The following BICC1 variants were observed in gnomAD, a reference collection of about 807,000 sequenced individuals.
BICC1 encodes protein bicaudal C homolog 1.
BICC1 carries 43 observed loss-of-function variants against 111.0 expected under a neutral mutation model. The observed-to-expected ratio is 0.39, with a 90% confidence interval of 0.30 to 0.50. The LOEUF is 0.50. Among genes scored for constraint, BICC1 ranks in the 20% least tolerant of loss-of-function variants. BICC1 has a pLI of 0.88. For synonymous variants in BICC1, 467 were observed against 434.4 expected, an observed-to-expected ratio of 1.07 and a Z score of -0.93; for missense variants, 1,091 against 1,203.2, an observed-to-expected ratio of 0.91 and a Z score of 1.38.
chr10:58,582,827 A>G (rs1844319662), intron 1 of BICC1, among the ~76,000 whole-genome samples: 1 of 152,132 alleles, frequency 6.6e-6, no homozygotes, highest in African/African-American at 2.4e-5. Context: ...TTTCTCTTCC[A>G]TCTTTTTAAG....
intron 3 of BICC1, among the ~76,000 whole-genome samples, chr10:58,713,491 A>G (rs937845309): frequency 1.3e-5 from 2 of 152,206 alleles, no homozygotes; most frequent in Non-Finnish European, 2.9e-5. Context: ...TCTCCCCATT[A>G]TATATATTAA....
intron 1 of BICC1, among the ~76,000 whole-genome samples, chr10:58,523,682 T>A (rs1021863692): frequency 3.3e-5 from 5 of 152,232 alleles, no homozygotes; most frequent in African/African-American, 1.2e-4. Context: ...CTATTCAACA[T>A]AGTGTTGGAA....
At chr10:58,739,670 G>C (rs1200895551) in intron 3 of BICC1, among the ~76,000 whole-genome samples, 3 of 151,992 alleles carry the variant, frequency 2.0e-5, no homozygotes, top group Admixed American at 2.0e-4. Flanking sequence ...TTTGTTGTTA[G>C]AACCGATCTA....
At chr10:58,727,267 G>A (rs995182024) in intron 3 of BICC1, among the ~76,000 whole-genome samples, 2 of 152,070 alleles carry the variant, frequency 1.3e-5, no homozygotes, top group African/African-American at 4.8e-5. Flanking sequence ...TGTATCCAAA[G>A]TCTGTAACCA....
chr10:58,697,703 C>T (rs1352772714), intron 2 of BICC1, among the ~76,000 whole-genome samples: 1 of 152,158 alleles, frequency 6.6e-6, no homozygotes, highest in South Asian at 2.1e-4. Context: ...GCCTTTGTGC[C>T]CTTTCTTCCA....
chr10:58,683,986 A>T (rs915525692), intron 2 of BICC1, among the ~76,000 whole-genome samples: 1 of 152,202 alleles, frequency 6.6e-6, no homozygotes, highest in Non-Finnish European at 1.5e-5. Flanking sequence ...GTTTTTGCCC[A>T]TTCAGTATAA....
In BICC1 at chr10:58,829,190, G is replaced by GTT. The variant is rs1844487126; in HGVS notation, c.*299_*300insTT. ...TTACCTATATAACATATGCACTGAT[G>GTT]ATTTTTTTTTTTTTTTTTTTTTTTT... On this transcript the variant is annotated 3_prime_UTR_variant, in exon 21 of 21. Transcript: ENST00000373886. 2.7e-5 allele frequency: 2 copies of GTT among 73,600 alleles called. No individual in the cohort carries two copies. The highest frequency in any genetic ancestry group is 1.5e-4 in the African/African-American group (2 of 13,736). 4.6% of individuals were successfully genotyped at this position (73,600 alleles called of 1,614,324 possible). A position where few individuals can be genotyped will look rare whatever the true frequency, so the allele number is the denominator to read the frequency against.
intron 1 of BICC1, among the ~76,000 whole-genome samples, chr10:58,569,423 A>G (rs2577392): frequency 0.46 from 69,832 of 151,902 alleles, 17,065 homozygotes; most frequent in Admixed American, 0.62. Context: ...TTAAGTTCTG[A>G]GATACATGTG....
intron 3 of BICC1, among the ~76,000 whole-genome samples, chr10:58,733,890 G>C (rs1004347437): frequency 6.6e-6 from 1 of 152,218 alleles, no homozygotes; most frequent in Non-Finnish European, 1.5e-5. Context: ...GGGTCAGCCA[G>C]TTACTAGTTG....
chr10:58,530,474 T>A (rs1842651743), intron 1 of BICC1, among the ~76,000 whole-genome samples: 1 of 151,778 alleles, frequency 6.6e-6, no homozygotes, highest in Non-Finnish European at 1.5e-5. Flanking sequence ...GTTAATACAC[T>A]TAAGACTTAG....
At chr10:58,752,930 C>T (rs1404281294) in intron 3 of BICC1, among the ~76,000 whole-genome samples, 2 of 152,074 alleles carry the variant, frequency 1.3e-5, no homozygotes, top group Non-Finnish European at 2.9e-5. Context: ...GGTGCCTGCT[C>T]TCTAGAGAGC....
intron 3 of BICC1, among the ~76,000 whole-genome samples, chr10:58,709,297 T>G (rs893753483): frequency 6.6e-6 from 1 of 152,230 alleles, no homozygotes; most frequent in Non-Finnish European, 1.5e-5. Flanking sequence ...CTTCCACATA[T>G]GAGTGAGAAC....
intron 2 of BICC1, among the ~76,000 whole-genome samples, chr10:58,666,545 C>G (rs977128498): frequency 3.9e-5 from 6 of 152,062 alleles, no homozygotes; most frequent in Non-Finnish European, 8.8e-5. Flanking sequence ...GAATCCTTAT[C>G]CAAGCACACA....
chr10:58,563,193 G>C (rs1744096227), intron 1 of BICC1, among the ~76,000 whole-genome samples: 1 of 152,094 alleles, frequency 6.6e-6, no homozygotes, highest in South Asian at 2.1e-4. Flanking sequence ...TAGGCCCCAG[G>C]GAAAGATGCA....
chr10:58,522,412 C>T (rs923705893), intron 1 of BICC1, among the ~76,000 whole-genome samples: 34 of 152,060 alleles, frequency 2.2e-4, no homozygotes, highest in African/African-American at 7.5e-4. Flanking sequence ...CCCTCAAAAC[C>T]GCTCAACTAC....
At chr10:58,578,456 C>G (rs1844174867) in intron 1 of BICC1, among the ~76,000 whole-genome samples, 1 of 152,190 alleles carries the variant, frequency 6.6e-6, no homozygotes, top group South Asian at 2.1e-4. Context: ...ATTGTTCCGG[C>G]TAATCCATTT....
chr10:58,539,284 G>C lies in BICC1; in HGVS notation c.190+25951G>C, dbSNP rs1842900341. 2.0e-5 allele frequency among the ~76,000 whole-genome samples: 3 copies of C among 151,712 alleles called. No individual in the cohort carries two copies. The Admixed American group carries it at 2.0e-4, about 10-fold the overall frequency. On this transcript the variant is annotated intron_variant, in intron 1 of 20. Coordinates refer to ENST00000373886, the MANE Select transcript of BICC1 (RefSeq NM_001080512.3). ...TATTATTCTAAGTGAAGTAATTCTG[G>C]AATCAAAATCTAAATCCAACATGTT...
intron 1 of BICC1, among the ~76,000 whole-genome samples, chr10:58,558,783 AGTATAG>A (rs1458087091): frequency 1.3e-5 from 2 of 152,090 alleles, no homozygotes; most frequent in African/African-American, 4.8e-5. Context: ...AGGTGCTAAC[AGTATAG>A]GTGTCTAATG....
chr10:58,583,084 G>A (rs182370343), intron 1 of BICC1, among the ~76,000 whole-genome samples: 46 of 152,228 alleles, frequency 3.0e-4, no homozygotes, highest in Non-Finnish European at 4.9e-4. Flanking sequence ...CTAGTGTTCT[G>A]TGTCTTAATA....
Sources: gnomAD v4.1 joint callset for allele counts (sites outside exome capture counted in the v4.1 genomes callset) on GRCh38, gnomAD v4.1.1 for gene constraint, MANE v1.5 for transcripts, NCBI Gene and HGNC (gene_info 2026-07-23, HGNC 2026-07-21) for gene names.